The following SRBD1 variants were observed in gnomAD, a reference collection of about 807,000 sequenced individuals.
SRBD1 encodes S1 RNA-binding domain-containing protein 1.
Under a neutral mutation model 115.3 loss-of-function variants are expected in SRBD1, and 88 were observed. That is an observed-to-expected ratio of 0.76 (90% CI 0.64 to 0.91). The LOEUF (loss-of-function observed/expected upper bound fraction) is 0.91. Ranked by LOEUF, SRBD1 falls within the 40% of genes least tolerant of loss-of-function variation. The pLI is 0.00. For synonymous variants in SRBD1, 509 were observed against 407.7 expected, an observed-to-expected ratio of 1.25 and a Z score of -2.99; for missense variants, 1,385 against 1,177.4, an observed-to-expected ratio of 1.18 and a Z score of -2.58.
chr2:45,445,934 T>C (rs1452715319), intron 16 of SRBD1, among the ~76,000 whole-genome samples: 2 of 152,156 alleles, frequency 1.3e-5, no homozygotes, highest in African/African-American at 4.8e-5. Flanking sequence ...GTTCAATGGC[T>C]AGGAACAGAC....
chr2:45,521,361 C>A (rs1375806039), intron 14 of SRBD1, among the ~76,000 whole-genome samples: 1 of 151,194 alleles, frequency 6.6e-6, no homozygotes, highest in East Asian at 1.9e-4. Flanking sequence ...ATAGACATTT[C>A]TCCAATTAAG....
chr2:45,484,148 T>G (rs182068433), intron 15 of SRBD1, among the ~76,000 whole-genome samples: 5 of 152,106 alleles, frequency 3.3e-5, no homozygotes, highest in Non-Finnish European at 5.9e-5. Context: ...CATCTGTTTT[T>G]AATATTAATA....
intron 4 of SRBD1, among the ~76,000 whole-genome samples, chr2:45,589,095 T>A (rs766260479): frequency 7.9e-5 from 12 of 152,190 alleles, no homozygotes; most frequent in Non-Finnish European, 1.8e-4. Context: ...AGTAGGTATT[T>A]ATTGTTGTCT....
At chr2:45,496,065 C>T (rs1319752939) in intron 14 of SRBD1, among the ~76,000 whole-genome samples, 1 of 152,066 alleles carries the variant, frequency 6.6e-6, no homozygotes, top group African/African-American at 2.4e-5. Flanking sequence ...TCAAGTGCAC[C>T]TTCATTCAGA....
intron 14 of SRBD1, among the ~76,000 whole-genome samples, chr2:45,523,713 C>T (rs1671356984): frequency 6.6e-6 from 1 of 151,538 alleles, no homozygotes; most frequent in South Asian, 2.1e-4. Context: ...AAAATACCCA[C>T]AATCCAGGTG....
intron 16 of SRBD1, among the ~76,000 whole-genome samples, chr2:45,423,892 C>T (rs1668078307): frequency 6.6e-6 from 1 of 152,070 alleles, no homozygotes; most frequent in East Asian, 1.9e-4. Context: ...AAGAACCAGA[C>T]TCACATTGTT....
At chr2:45,420,506 T>C (rs1304979754) in intron 16 of SRBD1, among the ~76,000 whole-genome samples, 1 of 152,242 alleles carries the variant, frequency 6.6e-6, no homozygotes, top group Admixed American at 6.5e-5. Flanking sequence ...CATGCTTTCT[T>C]ACTGCTTACA....
Position 45,391,703 on chromosome 2 carries a change from C to T in SRBD1, c.2698+1242G>A, listed in dbSNP as rs150985870. 1.9e-3 allele frequency among the ~76,000 whole-genome samples: 293 copies of T among 152,304 alleles called. 2 individuals carry two copies. The highest frequency in any genetic ancestry group is 6.9e-3 in the African/African-American group (288 of 41,564). The stretch of plus-strand genomic sequence containing the variant: ...AGCTCAGTCCAGAGCCCAGATGCAT[C>T]TGTCTTTTTGCTCAACAACTTGGTA... On this transcript the variant is annotated intron_variant, in intron 20 of 20. Coordinates refer to ENST00000263736, the MANE Select transcript of SRBD1 (RefSeq NM_018079.5).
chr2:45,462,190 A>G (rs1418826098), intron 16 of SRBD1, among the ~76,000 whole-genome samples: 3 of 152,234 alleles, frequency 2.0e-5, no homozygotes, highest in Admixed American at 6.5e-5. Flanking sequence ...TGGTTAGTTG[A>G]AAGTGCTGTT....
intron 19 of SRBD1, among the ~76,000 whole-genome samples, chr2:45,412,497 T>TA (rs1308111782): frequency 6.6e-6 from 1 of 152,174 alleles, no homozygotes; most frequent in Non-Finnish European, 1.5e-5. Context: ...CTATATTTGT[T>TA]ACACTGTCAT....
chr2:45,495,673 G>T (rs74477563), intron 14 of SRBD1, among the ~76,000 whole-genome samples: 4,021 of 152,144 alleles, frequency 0.026, 170 homozygotes, highest in African/African-American at 0.092. Flanking sequence ...AGTGGCATTC[G>T]ACTAGGCAAG....
At chr2:45,467,889 C>A (rs1669536519) in intron 16 of SRBD1, among the ~76,000 whole-genome samples, 1 of 152,082 alleles carries the variant, frequency 6.6e-6, no homozygotes, top group Non-Finnish European at 1.5e-5. Context: ...AGCCAAAGTT[C>A]CCGAGTTAAA....
chr2:45,517,956 G>A (rs1671171319), intron 14 of SRBD1, among the ~76,000 whole-genome samples: 1 of 152,228 alleles, frequency 6.6e-6, no homozygotes, highest in East Asian at 1.9e-4. Context: ...AGCCACAACT[G>A]CACCACTGCA....
At chr2:45,527,791 C>G (rs1671494261) in intron 14 of SRBD1, among the ~76,000 whole-genome samples, 2 of 151,934 alleles carry the variant, frequency 1.3e-5, no homozygotes, top group South Asian at 4.1e-4. Context: ...ATAATTTGAA[C>G]CTGGTTCCAT....
At chr2:45,498,827 A>G (rs957304607) in intron 14 of SRBD1, among the ~76,000 whole-genome samples, 1 of 152,120 alleles carries the variant, frequency 6.6e-6, no homozygotes, top group East Asian at 1.9e-4. Context: ...ACAGGGTTTC[A>G]TTCTTTTTTT....
At chr2:45,540,213 C>T (rs896889812) in intron 14 of SRBD1, among the ~76,000 whole-genome samples, 2 of 151,790 alleles carry the variant, frequency 1.3e-5, no homozygotes, top group South Asian at 2.1e-4. Flanking sequence ...TGGTGGCAGG[C>T]GCCTGTAATC....
chr2:45,599,300 T>C (rs1674010576), intron 4 of SRBD1, 149 bp downstream of exon 4: 7 of 1,087,070 alleles, frequency 6.4e-6, no homozygotes, highest in Non-Finnish European at 6.6e-6. Flanking sequence ...CCCAAGAAAG[T>C]TACAAGTAGG....
chr2:45,430,132 AAGAC>A (rs1668286685), intron 16 of SRBD1, among the ~76,000 whole-genome samples: 1 of 152,192 alleles, frequency 6.6e-6, no homozygotes, highest in Non-Finnish European at 1.5e-5. Flanking sequence ...GCAAGGAAAA[AAGAC>A]AGGACACAAA....
At chr2:45,400,532 C>T (rs1344937825) in intron 19 of SRBD1, among the ~76,000 whole-genome samples, 1 of 152,050 alleles carries the variant, frequency 6.6e-6, no homozygotes, top group Non-Finnish European at 1.5e-5. Flanking sequence ...TATTCATTAA[C>T]AATGTTAAAT....
Sources: gnomAD v4.1 joint callset for allele counts (sites outside exome capture counted in the v4.1 genomes callset) on GRCh38, gnomAD v4.1.1 for gene constraint, MANE v1.5 for transcripts, NCBI Gene and HGNC (gene_info 2026-07-23, HGNC 2026-07-21) for gene names.